The following ALDH3B2 variants were observed in gnomAD, a reference collection of about 807,000 sequenced individuals.
ALDH3B2 encodes the protein aldehyde dehydrogenase 3 family member B2.
Under a neutral mutation model 36.7 loss-of-function variants are expected in ALDH3B2, and 45 were observed. That is an observed-to-expected ratio of 1.23 (90% CI 0.97 to 1.57). The LOEUF (loss-of-function observed/expected upper bound fraction) is 1.57. ALDH3B2 is among the 40% of genes most tolerant of loss of function. The pLI is 0.00. For missense variants in ALDH3B2, 464 were observed against 513.3 expected (o/e 0.90, Z 0.93); for synonymous variants, 217 against 226.5 (o/e 0.96, Z 0.38).
chr11:67,667,408 G>A (rs1855950892), intron 2 of ALDH3B2, 65 bp downstream of exon 2: 2 of 347,292 alleles, frequency 5.8e-6, no homozygotes, highest in Admixed American at 8.9e-5. Context: ...GGGGGCACGG[G>A]CCCTCCTGAA....
upstream of ALDH3B2, among the ~76,000 whole-genome samples, chr11:67,675,728 G>A (rs767104548): frequency 7.2e-5 from 11 of 152,216 alleles, no homozygotes; most frequent in Admixed American, 1.3e-4. Flanking sequence ...GGGAATACAG[G>A]GCAGAATGCT....
intron 1 of ALDH3B2, among the ~76,000 whole-genome samples, chr11:67,674,025 T>C (rs1027832147): frequency 3.9e-5 from 6 of 152,222 alleles, no homozygotes; most frequent in Admixed American, 6.5e-5. Context: ...AGAATCTCTC[T>C]GCTTCCAATC....
rs762591374 is a variant in ALDH3B2 at position 67,666,569 on chromosome 11, C to T, written c.151+5G>A. ...AGAGCATGGGGTTCGGAACGCCCTC[C>T]TCACCTGCGGCGAGGGCGCCCACCA... On this transcript the variant is annotated splice_donor_5th_base_variant and intron_variant, in intron 4 of 9. Coordinates refer to ENST00000349015, the Ensembl canonical transcript of ALDH3B2. The T allele has an allele frequency of 3.1e-6, 5 of 1,613,806 alleles. No homozygotes were observed. The highest frequency in any genetic ancestry group is 4.2e-6 in the Non-Finnish European group (5 of 1,179,878).
intron 6 of ALDH3B2, 36 bp from the exon 7 acceptor site, chr11:67,665,707 G>T: frequency 6.3e-7 from 1 of 1,575,222 alleles, no homozygotes; most frequent in Non-Finnish European, 8.6e-7. Flanking sequence ...GCCAGTCAGT[G>T]ACCTGGACCA....
chr11:67,670,511 C>T (rs192074388), intron 1 of ALDH3B2, among the ~76,000 whole-genome samples: 57 of 152,260 alleles, frequency 3.7e-4, no homozygotes, highest in African/African-American at 1.3e-3. Context: ...CAGTGAGTGT[C>T]CTGGAGGCCA....
chr11:67,666,895 G>T lies in ALDH3B2; in HGVS notation c.30+11C>A. On this transcript the variant is annotated intron_variant, in intron 3 of 9. Transcript: ENST00000349015. ...TGCCCTGCCCTCCTGCCGCCTGCCA[G>T]CAGGGCTCACCAGGTTCGTGGACCG... 1 of 1,614,216 alleles carries T rather than the reference G, an allele frequency of 6.2e-7. No individual in the cohort carries two copies. The highest frequency in any genetic ancestry group is 1.6e-4 in the Middle Eastern group (1 of 6,062).
chr11:67,665,597 C>T (rs1439902590), exon 7 of ALDH3B2: 8 of 1,613,922 alleles, frequency 5.0e-6, no homozygotes, highest in Non-Finnish European at 6.8e-6. Context: ...GGGTTCTTGC[C>T]CCCCAGCTCC....
chr11:67,675,315 C>T (rs147368273), upstream of ALDH3B2, among the ~76,000 whole-genome samples: 6 of 152,284 alleles, frequency 3.9e-5, no homozygotes, highest in East Asian at 7.7e-4. Flanking sequence ...CAGAGGGAGA[C>T]GTGAGAATGG....
At chr11:67,670,810 C>G (rs561198159) in intron 1 of ALDH3B2, among the ~76,000 whole-genome samples, 9 of 152,200 alleles carry the variant, frequency 5.9e-5, no homozygotes, top group Non-Finnish European at 1.2e-4. Flanking sequence ...TGTGCGGCCC[C>G]CCTGCATGAG....
At chr11:67,663,225 G>C (rs1368259335) in exon 10 of ALDH3B2, 2 of 1,609,004 alleles carry the variant, frequency 1.2e-6, no homozygotes, top group Admixed American at 1.7e-5. Flanking sequence ...TCACAGGAGG[G>C]TGCAGCTCTG....
intron 1 of ALDH3B2, among the ~76,000 whole-genome samples, chr11:67,673,240 G>A (rs9787887): frequency 0.63 from 95,779 of 152,078 alleles, 33,576 homozygotes; most frequent in South Asian, 0.8. Context: ...ACTGAGACCC[G>A]TCTCAGATTT....
At chr11:67,671,238 C>CCCCT (rs2134151028) in intron 1 of ALDH3B2, 1 of 152,424 alleles carries the variant, frequency 6.6e-6, no homozygotes, top group Admixed American at 6.5e-5. Flanking sequence ...GGCAGAGGAA[C>CCCCT]CCCTGCCCTT....
intron 2 of ALDH3B2, 111 bp downstream of exon 2, chr11:67,667,362 A>C (rs987120527): frequency 1.6e-5 from 6 of 367,644 alleles, no homozygotes; most frequent in Non-Finnish European, 2.9e-5. Flanking sequence ...TCTGTTAAAC[A>C]AACAGGAATA....
chr11:67,678,330 A>C (rs1261212565), upstream of ALDH3B2, among the ~76,000 whole-genome samples: 1 of 152,214 alleles, frequency 6.6e-6, no homozygotes, highest in Admixed American at 6.5e-5. Flanking sequence ...ACTTACAGGC[A>C]GCTGATCTTC....
chr11:67,675,506 A>G (rs867223202), upstream of ALDH3B2, among the ~76,000 whole-genome samples: 4 of 152,254 alleles, frequency 2.6e-5, no homozygotes, highest in Admixed American at 6.5e-5. Flanking sequence ...CAAGCCTGAG[A>G]CCAAGGACAC....
At chr11:67,663,561 C>G in intron 9 of ALDH3B2, 101 bp downstream of exon 9, 1 of 1,382,450 alleles carries the variant, frequency 7.2e-7, no homozygotes. Context: ...CCTTGAGAGG[C>G]CCAGGGTGTG....
chr11:67,680,054 G>A (rs1319310434), intron 1 of ALDH3B2, among the ~76,000 whole-genome samples: 1 of 152,168 alleles, frequency 6.6e-6, no homozygotes, highest in African/African-American at 2.4e-5. Context: ...GGTGTCTCAT[G>A]CCTGTAATCC....
exon 10 of ALDH3B2, chr11:67,662,957 T>G: frequency 8.0e-6 from 4 of 497,492 alleles, no homozygotes; most frequent in African/African-American, 2.0e-5. Flanking sequence ...GGCAAAGGGC[T>G]GGAATTGGGG....
intron 1 of ALDH3B2, among the ~76,000 whole-genome samples, chr11:67,680,584 T>C (rs1280064735): frequency 6.6e-6 from 1 of 152,020 alleles, no homozygotes; most frequent in Non-Finnish European, 1.5e-5. Flanking sequence ...GCTCTGCTAA[T>C]TTTTGTATAT....
Sources: allele counts gnomAD v4.1 joint callset (sites outside exome capture counted in the v4.1 genomes callset), GRCh38; gene constraint gnomAD v4.1.1; transcripts MANE v1.5; gene names NCBI Gene and HGNC (gene_info 2026-07-23, HGNC 2026-07-21).